The following HIVEP3 variants were observed in gnomAD, a reference collection of about 807,000 sequenced individuals.
HIVEP3 encodes the protein HIVEP zinc finger 3, also known as transcription factor HIVEP3.
A neutral mutation model predicts 152.8 loss-of-function variants in HIVEP3; 49 were observed. The observed-to-expected ratio is 0.32, with a 90% CI of 0.26 to 0.41. The LOEUF is 0.41. Among genes scored for constraint, HIVEP3 ranks in the 10% least tolerant of loss-of-function variants. The pLI, the probability that HIVEP3 is intolerant of heterozygous loss-of-function variation, is 1.00. For synonymous variants in HIVEP3, 1,269 were observed against 1,289.0 expected (o/e 0.98, Z 0.33); for missense variants, 2,790 against 3,103.3 (o/e 0.90, Z 2.40).
chr1:41,754,902 A>G (rs1003567048), intron 1 of HIVEP3, among the ~76,000 whole-genome samples: 1 of 152,246 alleles, frequency 6.6e-6, no homozygotes, highest in African/African-American at 2.4e-5. Flanking sequence ...CCTACACTGC[A>G]GCGGAAGTTT....
chr1:41,652,679 G>T (rs1035492231), intron 2 of HIVEP3, among the ~76,000 whole-genome samples: 1 of 152,146 alleles, frequency 6.6e-6, no homozygotes, highest in South Asian at 2.1e-4. Flanking sequence ...CACCTCACCG[G>T]CCATTTCCAC....
chr1:41,598,535 T>G (rs562437992), intron 3 of HIVEP3, among the ~76,000 whole-genome samples: 1 of 152,376 alleles, frequency 6.6e-6, no homozygotes, highest in African/African-American at 2.4e-5. Context: ...CTTGCCCACA[T>G]GGCAGGATAG....
chr1:41,551,337 CT>C (rs34807984), intron 5 of HIVEP3, among the ~76,000 whole-genome samples: 1,619 of 150,772 alleles, frequency 0.011, 24 homozygotes, highest in African/African-American at 0.035. Context: ...CTAAAATTCT[CT>C]TTTTTTTTGT....
At chr1:41,771,525 G>GT (rs1648368586) in intron 1 of HIVEP3, among the ~76,000 whole-genome samples, 1 of 152,174 alleles carries the variant, frequency 6.6e-6, no homozygotes. Flanking sequence ...CCTGCCCCGC[G>GT]TGTCTACCCC....
chr1:41,575,183 A>C (rs1299972600), intron 5 of HIVEP3, among the ~76,000 whole-genome samples: 1 of 152,206 alleles, frequency 6.6e-6, no homozygotes, highest in Non-Finnish European at 1.5e-5. Context: ...TTTGGAGAAT[A>C]CATGTCAAGA....
intron 1 of HIVEP3, among the ~76,000 whole-genome samples, chr1:42,021,078 A>G (rs1284018172): frequency 6.6e-6 from 1 of 152,204 alleles, no homozygotes; most frequent in Non-Finnish European, 1.5e-5. Context: ...ATGTCATGGG[A>G]AAACACTGGC....
chr1:41,708,718 G>T (rs1226265357), intron 1 of HIVEP3, among the ~76,000 whole-genome samples: 1 of 152,308 alleles, frequency 6.6e-6, no homozygotes, highest in South Asian at 2.1e-4. Context: ...GAGCCCTAAT[G>T]GTTTCTGAGA....
chr1:41,801,174 A>T (rs932250647), intron 1 of HIVEP3, among the ~76,000 whole-genome samples: 1 of 152,190 alleles, frequency 6.6e-6, no homozygotes, highest in Non-Finnish European at 1.5e-5. Flanking sequence ...CTCTGTGCTG[A>T]GCCTGGAAGG....
chr1:41,838,469 G>A (rs1330086409), intron 1 of HIVEP3, among the ~76,000 whole-genome samples: 1 of 151,930 alleles, frequency 6.6e-6, no homozygotes, highest in East Asian at 1.9e-4. Flanking sequence ...AGGATGCTTG[G>A]CTGCCTCATA....
At chr1:41,747,712 C>A (rs1647094657) in intron 1 of HIVEP3, among the ~76,000 whole-genome samples, 2 of 152,196 alleles carry the variant, frequency 1.3e-5, no homozygotes, top group Non-Finnish European at 2.9e-5. Context: ...ACCTATGTCA[C>A]CATCTTTAAT....
chr1:41,710,444 G>A (rs1205715480), intron 1 of HIVEP3, among the ~76,000 whole-genome samples: 1 of 152,166 alleles, frequency 6.6e-6, no homozygotes, highest in East Asian at 1.9e-4. Context: ...AAGCACATGT[G>A]AAGTGGTCAA....
intron 1 of HIVEP3, among the ~76,000 whole-genome samples, chr1:41,961,624 A>G (rs1159014257): frequency 1.3e-5 from 2 of 152,256 alleles, no homozygotes; most frequent in Non-Finnish European, 2.9e-5. Context: ...TTGCAGATGC[A>G]TAAATGACAA....
At chr1:41,828,092 C>T (rs1238339372) in intron 1 of HIVEP3, among the ~76,000 whole-genome samples, 1 of 152,214 alleles carries the variant, frequency 6.6e-6, no homozygotes, top group Non-Finnish European at 1.5e-5. Context: ...CTTCTGCCAG[C>T]AGGAGTTCCT....
intron 1 of HIVEP3, among the ~76,000 whole-genome samples, chr1:41,707,858 A>G (rs902775966): frequency 2.4e-4 from 36 of 152,258 alleles, no homozygotes; most frequent in South Asian, 2.1e-4. Context: ...TAATGAATAC[A>G]TGCTCAATAA....
intron 1 of HIVEP3, among the ~76,000 whole-genome samples, chr1:41,894,250 C>T (rs1644494998): frequency 1.3e-5 from 2 of 152,180 alleles, no homozygotes; most frequent in Non-Finnish European, 2.9e-5. Flanking sequence ...GACCTCCCCA[C>T]TTTACAGATG....
chr1:41,788,465 G>C (rs1274506034), intron 1 of HIVEP3, among the ~76,000 whole-genome samples: 1 of 152,224 alleles, frequency 6.6e-6, no homozygotes, highest in East Asian at 1.9e-4. Context: ...CCCAGGGAAG[G>C]AAGGAGAGAG....
rs138999280 is a variant in HIVEP3, at chr1:41,582,932, T to C, written c.1866A>G (p.Glu622=). The change falls in exon 4 of 9, where the codon GAA becomes GAG. Residue 622 remains glutamate (E), a synonymous_variant. Transcript: ENST00000372583. This position sits in a 1 kb window ranked among gnomAD's most constrained non-coding sequence, Gnocchi z 4.7. ...TTTTGGTAAGCTCGCTTTCCTTGGG[T>C]TCCACTTCGTCCGAGGGCTTGGAGG... The part of the protein sequence containing the change: ...DTASKPSDEV[E]PKESELTKKT... The C allele has an allele frequency of 3.7e-6, 6 of 1,613,972 alleles. No individual in the cohort carries two copies. In the African/African-American group the frequency reaches 5.3e-5, roughly 14 times the overall value.
intron 5 of HIVEP3, among the ~76,000 whole-genome samples, chr1:41,550,723 G>T (rs1344906410): frequency 2.0e-5 from 3 of 151,962 alleles, no homozygotes; most frequent in African/African-American, 7.3e-5. Flanking sequence ...GCACATTGAT[G>T]TTGTATCCTG....
At chr1:41,562,637 C>T (rs1397770858) in intron 5 of HIVEP3, among the ~76,000 whole-genome samples, 2 of 131,902 alleles carry the variant, frequency 1.5e-5, no homozygotes, top group Admixed American at 7.7e-5. Flanking sequence ...CTCTCTCCCT[C>T]TCTCTCTCTT....
Sources: gnomAD v4.1 joint callset for allele counts (sites outside exome capture counted in the v4.1 genomes callset) on GRCh38, gnomAD v4.1.1 for gene constraint, Gnocchi (gnomAD v3.1) non-coding constraint, MANE v1.5 for transcripts, NCBI Gene and HGNC (gene_info 2026-07-23, HGNC 2026-07-21) for gene names.